The following FSTL5 variants were observed in gnomAD, a reference collection of about 807,000 sequenced individuals.
The protein encoded by FSTL5 is follistatin-related protein 5.
Under a neutral mutation model 89.1 loss-of-function variants are expected in FSTL5, and 62 were observed. The observed-to-expected ratio is 0.70, with a 90% CI of 0.57 to 0.86. The LOEUF is 0.86. FSTL5 is among the 40% of genes least tolerant of loss of function. The pLI, the probability that FSTL5 is intolerant of heterozygous loss-of-function variation, is 0.00. For synonymous variants in FSTL5, 383 were observed against 346.2 expected (o/e 1.11, Z -1.18); for missense variants, 1,057 against 1,001.6 (o/e 1.06, Z -0.75).
intron 4 of FSTL5, among the ~76,000 whole-genome samples, chr4:161,809,205 C>T (rs1383379777): frequency 3.3e-5 from 5 of 152,214 alleles, no homozygotes; most frequent in South Asian, 2.1e-4. Context: ...GGCAACACAG[C>T]GAGACTCCAT....
chr4:162,037,313 C>A (rs1737779018), intron 2 of FSTL5, among the ~76,000 whole-genome samples: 1 of 151,892 alleles, frequency 6.6e-6, no homozygotes, highest in South Asian at 2.1e-4. Context: ...ACGAATTAAA[C>A]ATATTCAATC....
intron 6 of FSTL5, among the ~76,000 whole-genome samples, chr4:161,721,918 G>A (rs1739232926): frequency 6.6e-6 from 1 of 152,176 alleles, no homozygotes; most frequent in Admixed American, 6.5e-5. Flanking sequence ...AGGTATCATT[G>A]TAGTGGTGAG....
chr4:161,514,038 C>T (rs997709376), intron 10 of FSTL5, among the ~76,000 whole-genome samples: 16 of 151,646 alleles, frequency 1.1e-4, no homozygotes, highest in African/African-American at 3.1e-4. Context: ...AATTAAGGAC[C>T]GTCAATATAA....
At chr4:161,563,042 G>T (rs1732662610) in intron 8 of FSTL5, among the ~76,000 whole-genome samples, 1 of 151,942 alleles carries the variant, frequency 6.6e-6, no homozygotes, top group Non-Finnish European at 1.5e-5. Flanking sequence ...ATCAACATGT[G>T]TGGGCTACAA....
chr4:162,026,253 A>G (rs1490564230), intron 3 of FSTL5, among the ~76,000 whole-genome samples: 1 of 135,212 alleles, frequency 7.4e-6, no homozygotes, highest in Non-Finnish European at 1.6e-5. Context: ...ATTACTTGAT[A>G]TTTCTTCAAA....
At chr4:161,961,590 C>A (rs1379073053) in intron 3 of FSTL5, among the ~76,000 whole-genome samples, 1 of 150,942 alleles carries the variant, frequency 6.6e-6, no homozygotes, top group Non-Finnish European at 1.5e-5. Flanking sequence ...CTCTGAAGAG[C>A]ATTCTTTCTT....
At chr4:161,617,683 C>T (rs1185250015) in intron 7 of FSTL5, among the ~76,000 whole-genome samples, 2 of 151,998 alleles carry the variant, frequency 1.3e-5, no homozygotes, top group Non-Finnish European at 2.9e-5. Context: ...CACCACATTC[C>T]CATTAGGGAG....
At chr4:162,050,094 T>C (rs1277773334) in intron 2 of FSTL5, among the ~76,000 whole-genome samples, 2 of 151,698 alleles carry the variant, frequency 1.3e-5, no homozygotes, top group Non-Finnish European at 2.9e-5. Context: ...TCCAGAAAAA[T>C]AGAAACATAA....
intron 10 of FSTL5, among the ~76,000 whole-genome samples, chr4:161,522,742 CCTAG>C (rs1731081977): frequency 6.6e-6 from 1 of 151,310 alleles, no homozygotes; most frequent in Non-Finnish European, 1.5e-5. Flanking sequence ...TAAAATAATA[CCTAG>C]ATACAAGAAT....
In FSTL5 at chr4:161,867,732, C is replaced by T. The variant is rs1309370563; in HGVS notation, c.409+52672G>A. ...ACAAAGTAATAAGACCTTATTCTTACCAAAGAATTAAATATAGAGAAAAAA... is the reference window on the plus strand; with the variant it reads ...ACAAAGTAATAAGACCTTATTCTTATCAAAGAATTAAATATAGAGAAAAAA... On this transcript the variant is annotated intron_variant, in intron 4 of 15. Coordinates refer to ENST00000306100, the MANE Select transcript of FSTL5 (RefSeq NM_020116.5). Among the ~76,000 whole-genome samples, 3 of 151,332 alleles carry T rather than the reference C, an allele frequency of 2.0e-5. 1 individual carries two copies. Among genetic ancestry groups the T allele is most frequent in the Non-Finnish European group, 1.5e-5 (1 of 67,698 alleles).
intron 2 of FSTL5, among the ~76,000 whole-genome samples, chr4:162,103,709 G>A (rs1373406631): frequency 1.3e-5 from 2 of 152,200 alleles, no homozygotes; most frequent in African/African-American, 4.8e-5. Context: ...CCTACTGAGA[G>A]ACAGGACTAG....
At position 162,147,808 on chromosome 4, in the gene FSTL5, C is replaced by G. The variant is rs143037709; in HGVS notation, c.-17+15807G>C. 2.5e-3 allele frequency among the ~76,000 whole-genome samples: 385 copies of G among 151,998 alleles called. 5 individuals carry two copies. The East Asian group carries it at 0.027, about 11-fold the overall frequency. ...TGGGTGGATCAAGAGGTCAGGAGTT[C>G]GAGACCAGACGTTGGTGAAACCCCA... On this transcript the variant is annotated intron_variant, in intron 1 of 15. Coordinates refer to ENST00000306100, the MANE Select transcript of FSTL5 (RefSeq NM_020116.5).
chr4:162,139,640 T>G (rs1048342172), intron 1 of FSTL5, among the ~76,000 whole-genome samples: 6 of 152,116 alleles, frequency 3.9e-5, no homozygotes, highest in Admixed American at 3.9e-4. Flanking sequence ...TGAAAAAAAT[T>G]AATTTCTCTC....
At chr4:162,057,722 T>C (rs927481625) in intron 2 of FSTL5, among the ~76,000 whole-genome samples, 1 of 152,132 alleles carries the variant, frequency 6.6e-6, no homozygotes, top group Non-Finnish European at 1.5e-5. Flanking sequence ...GGTGGGCAGA[T>C]GGCTTAAAGT....
At position 162,130,584 on chromosome 4, in the gene FSTL5, CTG is replaced by C. The variant is rs1356818181; in HGVS notation, c.-16-19174_-16-19173del. ...ACAAGCTGCATTAGGGCAAAGAAAA[CTG>C]TAGAAAAATCTTTTCCAGATATGTC... On this transcript the variant is annotated intron_variant, in intron 1 of 15. Transcript: ENST00000306100. Among the ~76,000 whole-genome samples the C allele has an allele frequency of 5.9e-5, 9 of 152,192 alleles. No homozygotes were observed. In the East Asian group the frequency reaches 1.7e-3, roughly 29 times the overall value.
At chr4:161,641,594 C>A (rs192540414) in intron 7 of FSTL5, among the ~76,000 whole-genome samples, 172 of 151,002 alleles carry the variant, frequency 1.1e-3, no homozygotes, top group Non-Finnish European at 1.9e-3. Flanking sequence ...CGGGTTCAAG[C>A]GATTCTCCTC....
At chr4:162,133,351 C>T (rs1208267022) in intron 1 of FSTL5, among the ~76,000 whole-genome samples, 2 of 152,152 alleles carry the variant, frequency 1.3e-5, no homozygotes, top group Admixed American at 6.5e-5. Context: ...CACGGTCACA[C>T]AGACAGTATG....
intron 4 of FSTL5, among the ~76,000 whole-genome samples, chr4:161,891,089 T>C (rs1439554459): frequency 4.6e-5 from 7 of 150,916 alleles, no homozygotes; most frequent in African/African-American, 1.7e-4. Flanking sequence ...TTTTATATCA[T>C]TAACTATTGT....
intron 4 of FSTL5, among the ~76,000 whole-genome samples, chr4:161,875,278 A>G (rs1732406580): frequency 6.6e-6 from 1 of 152,182 alleles, no homozygotes; most frequent in South Asian, 2.1e-4. Flanking sequence ...TTGAGTTTTT[A>G]TGCAGGGCAA....
Sources: gnomAD v4.1 joint callset for allele counts (sites outside exome capture counted in the v4.1 genomes callset) on GRCh38, gnomAD v4.1.1 for gene constraint, MANE v1.5 for transcripts, NCBI Gene and HGNC (gene_info 2026-07-23, HGNC 2026-07-21) for gene names.